APPL1: variants seen among roughly 807,000 people sequenced by gnomAD.
The protein encoded by APPL1 is DCC-interacting protein 13-alpha.
APPL1 carries 42 observed loss-of-function variants against 106.8 expected under a neutral mutation model. The observed-to-expected ratio is 0.39, with a 90% CI of 0.31 to 0.51. The LOEUF (loss-of-function observed/expected upper bound fraction) is 0.51. Among genes scored for constraint, APPL1 ranks in the 20% least tolerant of loss-of-function variants. The probability of loss-of-function intolerance (pLI) is 0.75; values close to 1 mark genes in which losing one functional copy is unlikely to be tolerated. For missense variants in APPL1, 769 were observed against 858.2 expected (o/e 0.90, Z 1.30); for synonymous variants, 263 against 281.8 (o/e 0.93, Z 0.67).
At position 57,246,073 on chromosome 3, in the gene APPL1, A is replaced by C. The variant is rs758698340; in HGVS notation, c.475-3A>C. On this transcript the variant is annotated splice_polypyrimidine_tract_variant and splice_region_variant and intron_variant, in intron 7 of 21. Coordinates refer to ENST00000288266, the MANE Select transcript of APPL1 (RefSeq NM_012096.3). ...TTAATTATTTAAATCTTTTCATTCA[A>C]AGGTGAAGTATGAAGTAACAGAAGA... 1 of 1,561,482 alleles carries C rather than the reference A, an allele frequency of 6.4e-7. No homozygotes were observed. The highest frequency in any genetic ancestry group is 2.3e-5 in the East Asian group (1 of 43,420).
At position 57,237,374 on chromosome 3, in the gene APPL1, G is replaced by A. The variant is rs1288623248; in HGVS notation, c.154-118G>A. The A allele has an allele frequency of 4.1e-6, 3 of 739,010 alleles. No individual in the cohort carries two copies. In the African/African-American group the frequency reaches 5.5e-5, roughly 14 times the overall value. 45.8% of individuals were successfully genotyped at this position (739,010 alleles called of 1,614,324 possible). On this transcript the variant is annotated intron_variant, in intron 2 of 21. Coordinates refer to ENST00000288266, the MANE Select transcript of APPL1 (RefSeq NM_012096.3). ...ACCCCTTTCCAGTGATTTAATGAAG[G>A]TTTTAAAAAACATGTACAATATTTA...
rs1283799287 is a variant in APPL1 at position 57,272,202 on chromosome 3, A to ATGTT, written c.*2519_*2522dup. ...GCATTCTGTTACCTATTTGAACAGT[A>ATGTT]TGTTTGTAACTATGGCAATGAAGTC... On this transcript the variant is annotated 3_prime_UTR_variant, in exon 22 of 22. Transcript: ENST00000288266. The ATGTT allele has an allele frequency of 3.9e-5, 6 of 152,326 alleles. No individual in the cohort carries two copies. In the South Asian group the frequency reaches 1.2e-3, roughly 32 times the overall value. The allele number at this position is 152,326 out of a possible 1,614,324, so 9.4% of individuals were successfully genotyped here.
At chr3:57,253,861 G>GA in intron 13 of APPL1, 123 bp downstream of exon 13, 2 of 555,864 alleles carry the variant, frequency 3.6e-6, no homozygotes, top group Non-Finnish European at 5.2e-6. Flanking sequence ...TGAATGAGTA[G>GA]CTTTTTTTTT....
chr3:57,268,311 A>G, intron 20 of APPL1, 87 bp from the exon 21 acceptor site: 1 of 1,296,606 alleles, frequency 7.7e-7, no homozygotes, highest in South Asian at 1.7e-5. Context: ...AAAATATTGA[A>G]AGGTTACCAT....
chr3:57,263,399 C>T (rs767373352), intron 19 of APPL1, among the ~76,000 whole-genome samples: 4 of 151,470 alleles, frequency 2.6e-5, no homozygotes, highest in Non-Finnish European at 4.4e-5. Flanking sequence ...CTCCCACCCC[C>T]CATCCCCACA....
At chr3:57,234,725 G>A (rs934250303) in intron 1 of APPL1, among the ~76,000 whole-genome samples, 2 of 151,904 alleles carry the variant, frequency 1.3e-5, no homozygotes, top group Non-Finnish European at 2.9e-5. Context: ...GCGTGATCTC[G>A]GCTCACTGCA....
At chr3:57,266,762 T>C (rs1325171803) in intron 19 of APPL1, among the ~76,000 whole-genome samples, 1 of 152,180 alleles carries the variant, frequency 6.6e-6, no homozygotes, top group Non-Finnish European at 1.5e-5. Context: ...TTGAGTTGAT[T>C]TTTGTGTATG....
chr3:57,244,158 CTTT>C (rs113139356), intron 7 of APPL1, among the ~76,000 whole-genome samples: 7 of 143,558 alleles, frequency 4.9e-5, no homozygotes, highest in Non-Finnish European at 7.7e-5. Context: ...AAAGGTTACA[CTTT>C]TTTTTTTTTT....
rs554273301 is a variant in APPL1 at position 57,252,504 on chromosome 3, A to G, written c.1095+193A>G. Reference sequence around the variant, plus strand: ...TCTTAAGTTTCTCACAGAATTTTATAGTGGGAGGGACCTTAGAGATCATCT... The same window carrying G: ...TCTTAAGTTTCTCACAGAATTTTATGGTGGGAGGGACCTTAGAGATCATCT... On this transcript the variant is annotated intron_variant, in intron 12 of 21. Coordinates refer to ENST00000288266, the MANE Select transcript of APPL1 (RefSeq NM_012096.3). Among the ~76,000 whole-genome samples the G allele has an allele frequency of 5.3e-5, 8 of 152,298 alleles. No homozygotes were observed. In the South Asian group the frequency reaches 8.3e-4, roughly 16 times the overall value.
chr3:57,251,649 T>A (rs983043791), intron 11 of APPL1, among the ~76,000 whole-genome samples: 3 of 152,176 alleles, frequency 2.0e-5, no homozygotes, highest in Admixed American at 2.0e-4. Context: ...ACACTAGATG[T>A]TGGAATCACT....
At chr3:57,238,381 G>A (rs530331438) in intron 4 of APPL1, among the ~76,000 whole-genome samples, 1 of 152,340 alleles carries the variant, frequency 6.6e-6, no homozygotes, top group East Asian at 1.9e-4. Context: ...GATGTAGGCA[G>A]GGAGAGAAGA....
chr3:57,268,104 AG>A (rs1239899933), intron 20 of APPL1: 1 of 459,474 alleles, frequency 2.2e-6, no homozygotes, highest in Non-Finnish European at 3.8e-6. Flanking sequence ...AAAAAAAAAA[AG>A]GAATCCAAGA....
chr3:57,242,979 T>A, intron 7 of APPL1, 65 bp downstream of exon 7: 1 of 1,194,316 alleles, frequency 8.4e-7, no homozygotes, highest in Non-Finnish European at 1.2e-6. Flanking sequence ...TAGTTTTTCC[T>A]CTATCAAAAT....
chr3:57,260,064 A>C (rs1034014988), intron 17 of APPL1, 45 bp downstream of exon 17: 22 of 1,607,702 alleles, frequency 1.4e-5, no homozygotes, highest in Non-Finnish European at 1.8e-5. Flanking sequence ...AAACATTTAC[A>C]TGATTTCAGC....
intron 12 of APPL1, among the ~76,000 whole-genome samples, chr3:57,253,121 C>T (rs1456711791): frequency 1.3e-5 from 2 of 151,996 alleles, no homozygotes; most frequent in Non-Finnish European, 2.9e-5. Context: ...CTTGAATCCT[C>T]GAGAGTGAAG....
intron 13 of APPL1, 96 bp downstream of exon 13, chr3:57,253,834 A>AT (rs1289440202): frequency 7.1e-6 from 7 of 979,678 alleles, no homozygotes. Context: ...AGGTTCTGTA[A>AT]TTTTTTAATT....
chr3:57,258,435 C>T (rs534510413), intron 15 of APPL1, among the ~76,000 whole-genome samples: 159 of 152,306 alleles, frequency 1.0e-3, no homozygotes, highest in Non-Finnish European at 1.7e-3. Flanking sequence ...GCTGAGATTA[C>T]AGGTGTGAGC....
rs1265407916 is a variant in APPL1 at position 57,270,993 on chromosome 3, T to C, written c.*1306T>C. 6.6e-6 allele frequency: 1 copy of C among 152,172 alleles called. No individual in the cohort carries two copies. 9.4% of individuals were successfully genotyped at this position (152,172 alleles called of 1,614,324 possible). On this transcript the variant is annotated 3_prime_UTR_variant, in exon 22 of 22. Coordinates refer to ENST00000288266, the MANE Select transcript of APPL1 (RefSeq NM_012096.3). ...CTTTTAACACTGCTAATAGAAATTA[T>C]GTTTTCATGTGTTTCACATGAAAAA...
chr3:57,257,482 C>A (rs2060843509), intron 15 of APPL1, 54 bp downstream of exon 15: 4 of 1,405,238 alleles, frequency 2.8e-6, no homozygotes, highest in Non-Finnish European at 2.9e-6. Flanking sequence ...GCTTATAATC[C>A]CCTGTCTGCA....
Sources: allele counts gnomAD v4.1 joint callset (sites outside exome capture counted in the v4.1 genomes callset), GRCh38; gene constraint gnomAD v4.1.1; transcripts MANE v1.5; gene names NCBI Gene and HGNC (gene_info 2026-07-23, HGNC 2026-07-21).